Variants in HYCC1 observed in about 807,000 individuals in gnomAD.
HYCC1 encodes hyccin PI4KA lipid kinase complex subunit 1.
the HYCC1 span, among the ~76,000 whole-genome samples, chr7:22,964,235 A>T: frequency 6.6e-6 from 1 of 152,072 alleles, no homozygotes; most frequent in African/African-American, 2.4e-5. Flanking sequence ...ACTTTAAAAG[A>T]TATGTTTTAA....
chr7:22,924,177 CAAAA>C, the HYCC1 span, among the ~76,000 whole-genome samples: 2 of 95,416 alleles, frequency 2.1e-5, no homozygotes, highest in African/African-American at 4.2e-5. Context: ...GACTCTGTAT[CAAAA>C]AAAAAAAAAA....
At chr7:22,905,476 C>G in the HYCC1 span, among the ~76,000 whole-genome samples, 1 of 133,386 alleles carries the variant, frequency 7.5e-6, no homozygotes, top group East Asian at 2.5e-4. Flanking sequence ...CTCAAGTGAT[C>G]TACCCGCCTC....
At chr7:22,896,520 AC>A in the HYCC1 span, among the ~76,000 whole-genome samples, 2 of 152,230 alleles carry the variant, frequency 1.3e-5, no homozygotes, top group Admixed American at 1.3e-4. Context: ...CCAGAAAGAA[AC>A]AACTCTGGTT....
At chr7:22,977,255 A>AT in the HYCC1 span, 3 of 867,846 alleles carry the variant, frequency 3.5e-6, no homozygotes. Context: ...AAATTGATCA[A>AT]TTTTTTTCCT....
chr7:22,908,459 T>C, the HYCC1 span, among the ~76,000 whole-genome samples: 435 of 152,344 alleles, frequency 2.9e-3, 4 homozygotes, highest in African/African-American at 0.01. Context: ...GCCTCTATTC[T>C]GGTCTTCCAG....
At chr7:22,941,132 C>G in the HYCC1 span, 2 of 152,164 alleles carry the variant, frequency 1.3e-5, no homozygotes, top group Non-Finnish European at 2.9e-5. Flanking sequence ...TGTCTTATCA[C>G]TTACCCCCAA....
chr7:22,947,344 GA>G, the HYCC1 span: 1 of 930,184 alleles, frequency 1.1e-6, no homozygotes, highest in Admixed American at 2.5e-5. Flanking sequence ...TTAGATGACT[GA>G]ATGTTATGAA....
chr7:22,960,175 A>G, the HYCC1 span: 2 of 1,397,324 alleles, frequency 1.4e-6, no homozygotes, highest in Non-Finnish European at 2.0e-6. Context: ...TACTGAAGTT[A>G]GAAGTTATAG....
chr7:22,899,598 G>A, the HYCC1 span, among the ~76,000 whole-genome samples: 1 of 152,122 alleles, frequency 6.6e-6, no homozygotes, highest in African/African-American at 2.4e-5. Context: ...TGGGCAATGT[G>A]CTTTCAAAAT....
the HYCC1 span, among the ~76,000 whole-genome samples, chr7:22,924,963 G>A: frequency 6.6e-6 from 1 of 152,160 alleles, no homozygotes; most frequent in Admixed American, 6.5e-5. Flanking sequence ...TCACACAGCC[G>A]GGTACTCCTC....
the HYCC1 span, among the ~76,000 whole-genome samples, chr7:22,954,388 A>G: frequency 1.3e-5 from 2 of 151,226 alleles, no homozygotes; most frequent in South Asian, 4.2e-4. Flanking sequence ...TTCCGATATG[A>G]ATTGCAATCT....
chr7:23,013,827 CCTCGCCG>C, the HYCC1 span: 1 of 422,414 alleles, frequency 2.4e-6, no homozygotes, highest in Non-Finnish European at 4.8e-6. Flanking sequence ...CCGGTCCTGT[CCTCGCCG>C]CCGCCTCGCC....
chr7:22,996,196 G>C, the HYCC1 span, among the ~76,000 whole-genome samples: 29,138 of 150,678 alleles, frequency 0.19, 3,392 homozygotes, highest in Non-Finnish European at 0.26. Context: ...GGGAGGCTGA[G>C]ATAGAAGAAT....
At chr7:22,926,257 G>A in the HYCC1 span, among the ~76,000 whole-genome samples, 1 of 152,068 alleles carries the variant, frequency 6.6e-6, no homozygotes, top group Non-Finnish European at 1.5e-5. Context: ...ATCAAGGCTA[G>A]GAAGAAACTG....
At chr7:22,937,493 A>G in the HYCC1 span, 214 of 152,326 alleles carry the variant, frequency 1.4e-3, 1 homozygote, top group African/African-American at 4.9e-3. Flanking sequence ...TGCATAATTT[A>G]CTTCTCAAAA....
the HYCC1 span, among the ~76,000 whole-genome samples, chr7:22,967,483 C>A: frequency 6.6e-6 from 1 of 152,086 alleles, no homozygotes; most frequent in Admixed American, 6.6e-5. Context: ...CATCATGGAG[C>A]CAGAACATGA....
At chr7:22,996,678 T>A in the HYCC1 span, among the ~76,000 whole-genome samples, 1 of 147,200 alleles carries the variant, frequency 6.8e-6, no homozygotes, top group Non-Finnish European at 1.5e-5. Context: ...ACTAAAGGTA[T>A]CAGTAAAGCT....
At chr7:22,931,487 T>C in the HYCC1 span, among the ~76,000 whole-genome samples, 3 of 152,076 alleles carry the variant, frequency 2.0e-5, no homozygotes, top group Admixed American at 6.6e-5. Context: ...ATATCTGAAA[T>C]TGTGGAAGGG....
At chr7:22,914,479 T>C in the HYCC1 span, among the ~76,000 whole-genome samples, 1 of 152,294 alleles carries the variant, frequency 6.6e-6, no homozygotes, top group African/African-American at 2.4e-5. Context: ...ATTTTTTTTT[T>C]CTGCAACACC....
Sources: gnomAD v4.1 joint callset for allele counts (sites outside exome capture counted in the v4.1 genomes callset) on GRCh38, gnomAD v4.1.1 for gene constraint, MANE v1.5 for transcripts, NCBI Gene and HGNC (gene_info 2026-07-23, HGNC 2026-07-21) for gene names.